AGBL4: variants seen among roughly 807,000 people sequenced by gnomAD.
The protein encoded by AGBL4 is cytosolic carboxypeptidase 6.
AGBL4 carries 58 observed loss-of-function variants against 66.4 expected under a neutral mutation model. The observed-to-expected ratio is 0.87, with a 90% CI of 0.71 to 1.09. The LOEUF is 1.09. Among genes scored for constraint, AGBL4 ranks in the 50% least tolerant of loss-of-function variants. AGBL4 has a pLI of 0.00. For missense variants in AGBL4, 579 were observed against 631.0 expected (o/e 0.92, Z 0.88); for synonymous variants, 234 against 222.9 (o/e 1.05, Z -0.44).
intron 3 of AGBL4, among the ~76,000 whole-genome samples, chr1:49,292,492 G>A (rs545212018): frequency 2.6e-5 from 4 of 152,296 alleles, no homozygotes; most frequent in Admixed American, 2.0e-4. Flanking sequence ...CAATCAGAGT[G>A]CATCTTCTCC....
At chr1:48,807,828 C>T (rs1420854445) in intron 6 of AGBL4, among the ~76,000 whole-genome samples, 1 of 127,184 alleles carries the variant, frequency 7.9e-6, no homozygotes. Context: ...GAAAGGATCT[C>T]TCCCTGTATT....
At chr1:48,695,347 GA>G in intron 6 of AGBL4, among the ~76,000 whole-genome samples, 2 of 152,288 alleles carry the variant, frequency 1.3e-5, no homozygotes, top group Middle Eastern at 3.4e-3. Context: ...CGCACAAGCT[GA>G]TGTTTTCAAT....
intron 5 of AGBL4, among the ~76,000 whole-genome samples, chr1:48,968,272 A>T (rs1254514763): frequency 5.3e-5 from 8 of 152,198 alleles, no homozygotes; most frequent in Non-Finnish European, 1.2e-4. Flanking sequence ...CTTAGGAGCC[A>T]GATCACATGT....
At chr1:49,978,306 T>C (rs1257918992) in intron 1 of AGBL4, among the ~76,000 whole-genome samples, 1 of 152,142 alleles carries the variant, frequency 6.6e-6, no homozygotes, top group Non-Finnish European at 1.5e-5. Flanking sequence ...TAGCCAGGTA[T>C]AGTGGTATGC....
chr1:49,161,111 T>A (rs953917673), intron 4 of AGBL4, among the ~76,000 whole-genome samples: 2 of 151,918 alleles, frequency 1.3e-5, no homozygotes, highest in Admixed American at 6.6e-5. Flanking sequence ...AAAAAAAAAC[T>A]CCTGTAGCTA....
intron 3 of AGBL4, among the ~76,000 whole-genome samples, chr1:49,511,777 C>T (rs1392742330): frequency 1.3e-5 from 2 of 151,872 alleles, no homozygotes; most frequent in Non-Finnish European, 2.9e-5. Flanking sequence ...CTGATTCATT[C>T]TGTTGGACAG....
intron 4 of AGBL4, among the ~76,000 whole-genome samples, chr1:49,216,577 A>T (rs538056935): frequency 6.6e-6 from 1 of 152,198 alleles, no homozygotes; most frequent in African/African-American, 2.4e-5. Flanking sequence ...GTTGCTGCAC[A>T]GGGCATGTGT....
chr1:49,581,117 G>A (rs980934303), intron 3 of AGBL4, among the ~76,000 whole-genome samples: 2 of 151,682 alleles, frequency 1.3e-5, no homozygotes, highest in African/African-American at 4.8e-5. Context: ...TCTTTCTTCT[G>A]CTTGGTTTGG....
intron 3 of AGBL4, among the ~76,000 whole-genome samples, chr1:49,283,740 G>A (rs375089161): frequency 2.9e-4 from 44 of 149,158 alleles, no homozygotes; most frequent in Non-Finnish European, 5.5e-4. Context: ...CTCAGGAGCC[G>A]ATGCGATCAA....
chr1:49,718,604 C>G (rs1648346472), intron 2 of AGBL4, among the ~76,000 whole-genome samples: 1 of 151,958 alleles, frequency 6.6e-6, no homozygotes, highest in African/African-American at 2.4e-5. Context: ...TTTTTCTGTT[C>G]ATCCATTGAC....
chr1:49,624,219 C>A (rs1037555528), intron 3 of AGBL4, among the ~76,000 whole-genome samples: 6 of 152,098 alleles, frequency 3.9e-5, no homozygotes, highest in African/African-American at 1.4e-4. Flanking sequence ...GAAAACAACA[C>A]CCCTTTATAA....
intron 4 of AGBL4, among the ~76,000 whole-genome samples, chr1:49,238,578 T>A (rs1650968444): frequency 6.6e-6 from 1 of 152,144 alleles, no homozygotes; most frequent in East Asian, 1.9e-4. Flanking sequence ...TGTTTCTTAT[T>A]TTTTTCTGAC....
intron 4 of AGBL4, among the ~76,000 whole-genome samples, chr1:49,117,763 A>T (rs187706001): frequency 2.6e-4 from 39 of 152,266 alleles, no homozygotes; most frequent in African/African-American, 2.6e-4. Flanking sequence ...GAAGAAAGTC[A>T]TTGGTAGCTT....
chr1:49,917,063 C>A (rs1049093629), intron 1 of AGBL4, among the ~76,000 whole-genome samples: 6 of 152,040 alleles, frequency 3.9e-5, no homozygotes, highest in African/African-American at 1.4e-4. Context: ...CCAGGCCTGC[C>A]CAACAAGAGC....
intron 6 of AGBL4, among the ~76,000 whole-genome samples, chr1:48,702,858 C>G (rs559485474): frequency 6.6e-6 from 1 of 152,262 alleles, no homozygotes; most frequent in Non-Finnish European, 1.5e-5. Flanking sequence ...GTAAAACCAA[C>G]TTCAGGCAGG....
intron 4 of AGBL4, among the ~76,000 whole-genome samples, chr1:49,114,001 T>G (rs983474623): frequency 9.2e-5 from 14 of 152,238 alleles, no homozygotes; most frequent in Admixed American, 8.5e-4. Flanking sequence ...CAGTGAGCAT[T>G]GGCTTCAACT....
chr1:50,006,164 C>G (rs1661111508), intron 1 of AGBL4, among the ~76,000 whole-genome samples: 1 of 151,972 alleles, frequency 6.6e-6, no homozygotes. Context: ...ACGGTGAAAC[C>G]CCATCTCTAC....
intron 6 of AGBL4, among the ~76,000 whole-genome samples, chr1:48,779,987 TACAG>T (rs767361341): frequency 1.0e-3 from 152 of 152,142 alleles, no homozygotes; most frequent in Non-Finnish European, 1.6e-3. Context: ...GTGCTGGGAT[TACAG>T]ATGTGAGCCA....
chr1:49,639,382 CAT>C (rs1480008419), intron 3 of AGBL4, among the ~76,000 whole-genome samples: 4 of 152,200 alleles, frequency 2.6e-5, no homozygotes, highest in Admixed American at 2.6e-4. Flanking sequence ...ATTAAATCCT[CAT>C]AACAACTTGA....
Sources: allele counts gnomAD v4.1 joint callset (sites outside exome capture counted in the v4.1 genomes callset), GRCh38; gene constraint gnomAD v4.1.1; transcripts MANE v1.5; gene names NCBI Gene and HGNC (gene_info 2026-07-23, HGNC 2026-07-21).